The following PXYLP1 variants were observed in gnomAD, a reference collection of about 807,000 sequenced individuals.
PXYLP1 encodes acid phosphatase-like 2.
A neutral mutation model predicts 37.9 loss-of-function variants in PXYLP1; 17 were observed. That is an observed-to-expected ratio of 0.45 (90% CI 0.31 to 0.67). PXYLP1 has a LOEUF of 0.67. PXYLP1 is among the 30% of genes least tolerant of loss of function. The probability of loss-of-function intolerance (pLI) is 0.07; values close to 1 mark genes in which losing one functional copy is unlikely to be tolerated. For synonymous variants in PXYLP1, 221 were observed against 232.2 expected, an observed-to-expected ratio of 0.95 and a Z score of 0.44; for missense variants, 511 against 612.0, an observed-to-expected ratio of 0.84 and a Z score of 1.74.
intron 1 of PXYLP1, among the ~76,000 whole-genome samples, chr3:141,233,747 G>A (rs529593469): frequency 6.6e-6 from 1 of 152,204 alleles, no homozygotes; most frequent in Non-Finnish European, 1.5e-5. Context: ...CACTCCGAGT[G>A]TTTGTGGAAC....
chr3:141,275,772 T>TCAC (rs1305715558), intron 2 of PXYLP1, among the ~76,000 whole-genome samples: 1 of 138,388 alleles, frequency 7.2e-6, no homozygotes, highest in East Asian at 2.1e-4. Context: ...GTAACACAAG[T>TCAC]AATGAAGGGA....
intron 1 of PXYLP1, among the ~76,000 whole-genome samples, chr3:141,232,724 T>C (rs548445936): frequency 6.6e-6 from 1 of 152,378 alleles, no homozygotes; most frequent in South Asian, 2.1e-4. Flanking sequence ...TTGCCTGCTT[T>C]GCAGCCGCAG....
At chr3:141,252,866 A>G (rs1037651046) in intron 1 of PXYLP1, among the ~76,000 whole-genome samples, 19 of 152,184 alleles carry the variant, frequency 1.2e-4, no homozygotes, top group African/African-American at 4.6e-4. Context: ...GTGGTGCGGC[A>G]AAGTGCAAAA....
chr3:141,245,911 T>C (rs1423701830), intron 1 of PXYLP1, among the ~76,000 whole-genome samples: 2 of 152,256 alleles, frequency 1.3e-5, no homozygotes, highest in African/African-American at 4.8e-5. Flanking sequence ...AGAGAGATTA[T>C]GATGTTTTCA....
chr3:141,275,892 C>T (rs978486377), intron 2 of PXYLP1, among the ~76,000 whole-genome samples: 2 of 151,804 alleles, frequency 1.3e-5, no homozygotes, highest in South Asian at 2.1e-4. Flanking sequence ...ACTATAAATA[C>T]ATATGCAGTC....
At chr3:141,267,650 A>G in intron 2 of PXYLP1, 1 of 152,220 alleles carries the variant, frequency 6.6e-6, no homozygotes. Flanking sequence ...TGAGTGACAA[A>G]ATTAAATCTG....
rs1002833662 is a variant in PXYLP1, at chr3:141,231,956, C to G, written c.-54+45C>G. The G allele has an allele frequency of 6.6e-6, 1 of 152,640 alleles. No homozygotes were observed. Among genetic ancestry groups the G allele is most frequent in the Non-Finnish European group, 1.5e-5 (1 of 68,554 alleles). The allele number at this position is 152,640 out of a possible 1,614,324, so 9.5% of individuals were successfully genotyped here. On this transcript the variant is annotated intron_variant, in intron 1 of 5. Transcript: ENST00000286353. The surrounding 1 kb of genome is among the most constrained non-coding windows in gnomAD (Gnocchi z 4.4). Reference sequence around the variant, plus strand: ...GGGCCGGGGCGGTTGCCGTTGGGGCCGAGCAGCGCAGAGGTTCTAGGCGGG... The same window carrying G: ...GGGCCGGGGCGGTTGCCGTTGGGGCGGAGCAGCGCAGAGGTTCTAGGCGGG...
At chr3:141,286,216 C>A (rs1271771702) in intron 4 of PXYLP1, among the ~76,000 whole-genome samples, 1 of 152,160 alleles carries the variant, frequency 6.6e-6, no homozygotes, top group Non-Finnish European at 1.5e-5. Flanking sequence ...ATTCATAGGT[C>A]ATTTCATTAT....
rs1469961852 is a variant in PXYLP1, at chr3:141,292,229, A to G, written c.506-39A>G. 6.5e-7 allele frequency: 1 copy of G among 1,537,800 alleles called. No homozygotes were observed. The highest frequency in any genetic ancestry group is 8.7e-7 in the Non-Finnish European group (1 of 1,143,592). On this transcript the variant is annotated intron_variant, in intron 5 of 5. Coordinates refer to ENST00000286353, the MANE Select transcript of PXYLP1 (RefSeq NM_001037172.3). This position sits in a 1 kb window ranked among gnomAD's most constrained non-coding sequence, Gnocchi z 4.3. ...CCTCCCCTTGCTGTTTCTTTTGCTC[A>G]GCTGGAAGTAAGGTAAGCTTTGTGT...
At position 141,287,338 on chromosome 3, in the gene PXYLP1, A is replaced by C. The variant is rs1180542060; in HGVS notation, c.390A>C (p.Glu130Asp). The change falls in exon 5 of 6, where the codon GAA becomes GAC. Residue 130 changes from glutamate (E) to aspartate (D), a missense_variant. By Grantham distance (45) the Glu-to-Asp change is conservative. Transcript: ENST00000286353. ...ANRKPYHPKL[E>D]AFISHMSKGS... ...GGAAACCGTATCACCCAAAACTGGA[A>C]GCTTTCATTAGTCACATGTCAAAAG... 1.9e-6 allele frequency: 3 copies of C among 1,614,142 alleles called. No individual in the cohort carries two copies.
chr3:141,282,987 A>G (rs1941988874), intron 4 of PXYLP1, among the ~76,000 whole-genome samples: 1 of 149,204 alleles, frequency 6.7e-6, no homozygotes, highest in African/African-American at 2.5e-5. Flanking sequence ...TTTTTTTTTG[A>G]GACAGAGTCT....
intron 1 of PXYLP1, among the ~76,000 whole-genome samples, chr3:141,241,834 T>C (rs1255960763): frequency 2.6e-5 from 4 of 152,194 alleles, no homozygotes; most frequent in Non-Finnish European, 5.9e-5. Context: ...TGTCCCAGAC[T>C]CTGCTCTAAA....
chr3:141,239,005 C>A (rs1172926768), intron 1 of PXYLP1, among the ~76,000 whole-genome samples: 1 of 149,748 alleles, frequency 6.7e-6, no homozygotes, highest in Non-Finnish European at 1.5e-5. Context: ...CTGCTCAGTT[C>A]AAATCCGTGT....
chr3:141,273,252 A>G lies in PXYLP1; in HGVS notation c.80-5090A>G. On this transcript the variant is annotated intron_variant, in intron 2 of 5. Coordinates refer to ENST00000286353, the MANE Select transcript of PXYLP1 (RefSeq NM_001037172.3). The stretch of plus-strand genomic sequence containing the variant: ...TGTGCTCCATACATGTTGGATGGCC[A>G]GATGGACAAATGCATAAATACCGAG... 5.1e-6 allele frequency: 5 copies of G among 985,494 alleles called. No individual in the cohort carries two copies. The South Asian group carries it at 2.3e-4, about 46-fold the overall frequency. 61.0% of individuals were successfully genotyped at this position (985,494 alleles called of 1,614,324 possible).
chr3:141,253,692 TAA>T (rs5853027), intron 1 of PXYLP1, among the ~76,000 whole-genome samples: 1 of 144,634 alleles, frequency 6.9e-6, no homozygotes, highest in Non-Finnish European at 1.5e-5. Flanking sequence ...GAAACTTTTC[TAA>T]AAAAAAAAAA....
At chr3:141,236,475 G>A (rs1445715432) in intron 1 of PXYLP1, 1 of 152,136 alleles carries the variant, frequency 6.6e-6, no homozygotes, top group East Asian at 1.9e-4. Context: ...TTACATTAAA[G>A]TTACAAATCA....
chr3:141,289,799 G>T (rs1942160025), intron 5 of PXYLP1, among the ~76,000 whole-genome samples: 1 of 149,936 alleles, frequency 6.7e-6, no homozygotes, highest in African/African-American at 2.5e-5. Flanking sequence ...ATCAGCCCTG[G>T]CTAACAGGTC....
intron 1 of PXYLP1, among the ~76,000 whole-genome samples, chr3:141,233,041 G>GGTGTGAAGCTGGCAGTGAGTGC (rs1553750052): frequency 6.6e-6 from 1 of 151,334 alleles, no homozygotes; most frequent in Non-Finnish European, 1.5e-5. Flanking sequence ...AAGGCCCGTG[G>GGTGTGAAGCTGGCAGTGAGTGC]GTGTGAAGCT....
intron 2 of PXYLP1, among the ~76,000 whole-genome samples, chr3:141,260,581 G>C (rs2148754063): frequency 6.6e-6 from 1 of 152,302 alleles, no homozygotes; most frequent in African/African-American, 2.4e-5. Flanking sequence ...CCCTTTGATT[G>C]GGTCCTTGCA....
Sources: allele counts gnomAD v4.1 joint callset (sites outside exome capture counted in the v4.1 genomes callset), GRCh38; gene constraint gnomAD v4.1.1; non-coding constraint Gnocchi (gnomAD v3.1); transcripts MANE v1.5; gene names NCBI Gene and HGNC (gene_info 2026-07-23, HGNC 2026-07-21).